Variants in ZNF786 observed in about 807,000 individuals in gnomAD.
ZNF786 encodes the protein zinc finger protein 786.
A neutral mutation model predicts 63.1 loss-of-function variants in ZNF786; 56 were observed. The ratio of observed to expected loss-of-function variants is 0.89; its 90% CI spans 0.72 to 1.11. The LOEUF is 1.11. ZNF786 is among the 50% of genes least tolerant of loss of function. The pLI, the probability that ZNF786 is intolerant of heterozygous loss-of-function variation, is 0.00. For synonymous variants in ZNF786, 485 were observed against 406.9 expected (o/e 1.19, Z -2.31); for missense variants, 1,213 against 1,041.8 (o/e 1.16, Z -2.26).
Position 149,090,710 on chromosome 7 carries a change from C to G in ZNF786, c.-70G>C. On this transcript the variant is annotated 5_prime_UTR_variant, in exon 1 of 4. Coordinates refer to ENST00000491431, the MANE Select transcript of ZNF786 (RefSeq NM_152411.4). ...GGCGGCTCCGCAGGAACCTGCCCTG[C>G]TGCGCACTGACTCCCCTCCGCTCCG... 1 of 1,502,288 alleles carries G rather than the reference C, an allele frequency of 6.7e-7. No homozygotes were observed. Among genetic ancestry groups the G allele is most frequent in the South Asian group, 1.3e-5 (1 of 79,496 alleles). 93.1% of individuals were successfully genotyped at this position (1,502,288 alleles called of 1,614,324 possible). A position where few individuals can be genotyped will look rare whatever the true frequency, so the allele number is the denominator to read the frequency against.
At chr7:149,087,604 C>T (rs544750614) in intron 1 of ZNF786, among the ~76,000 whole-genome samples, 16 of 152,280 alleles carry the variant, frequency 1.1e-4, no homozygotes, top group East Asian at 1.9e-4. Context: ...CATAGACATA[C>T]GCAAAATGCA....
chr7:149,075,536 C>T (rs1043451915), intron 2 of ZNF786, among the ~76,000 whole-genome samples: 5 of 151,912 alleles, frequency 3.3e-5, no homozygotes, highest in Non-Finnish European at 5.9e-5. Context: ...TGAGCCACCG[C>T]ACCTGGCCAG....
Position 149,072,440 on chromosome 7 carries a change from T to G in ZNF786, c.332A>C (p.Lys111Thr), listed in dbSNP as rs1428166949. Reference sequence around the variant, plus strand: ...TTCAGGATCTAATTGGAAATGGCTTTTAGTTTTTCCTGAATTCATAGCCTG... The same window carrying G: ...TTCAGGATCTAATTGGAAATGGCTTGTAGTTTTTCCTGAATTCATAGCCTG... ...SQQAMNSGKT[K>T]SHFQLDPESQ... The change falls in exon 4 of 4, where the codon AAA (lysine) becomes ACA (threonine). Residue 111 changes from lysine (K) to threonine (T), a missense_variant. Lys to Thr is a moderately conservative substitution (Grantham distance 78). Coordinates refer to ENST00000491431, the MANE Select transcript of ZNF786 (RefSeq NM_152411.4). 6.2e-7 allele frequency: 1 copy of G among 1,601,278 alleles called. No homozygotes were observed. Among genetic ancestry groups the G allele is most frequent in the East Asian group, 2.2e-5 (1 of 44,732 alleles).
chr7:149,076,517 A>G (rs1231000210), intron 2 of ZNF786, among the ~76,000 whole-genome samples: 1 of 151,048 alleles, frequency 6.6e-6, no homozygotes, highest in Non-Finnish European at 1.5e-5. Context: ...TGACGAGGTC[A>G]GGAGTTCGAG....
At chr7:149,080,906 G>T (rs1041800381) in intron 1 of ZNF786, among the ~76,000 whole-genome samples, 189 bp from the exon 2 acceptor site, 1 of 152,074 alleles carries the variant, frequency 6.6e-6, no homozygotes, top group African/African-American at 2.4e-5. Flanking sequence ...TACATCCCCC[G>T]CTCCACGTTT....
intron 1 of ZNF786, among the ~76,000 whole-genome samples, chr7:149,083,255 G>C (rs546119203): frequency 6.0e-5 from 9 of 149,542 alleles, no homozygotes; most frequent in African/African-American, 2.0e-4. Context: ...TTGCTGTTTT[G>C]CCCAGGTTGG....
chr7:149,072,152 C>T lies in ZNF786; in HGVS notation c.620G>A (p.Arg207Lys). ...ACGTGTCCGGTCCTTTGAGTGGCCT[C>T]TCTGGTGCATTACTAAATGGTTGTT... ...WENNHLVMHQ[R>K]GHSKDRTRRA... Residue 207 changes from arginine (R) to lysine (K), a missense_variant, in exon 4 of 4, where the codon AGA becomes AAA. Arg to Lys is a conservative substitution (Grantham distance 26, BLOSUM62 2). Coordinates refer to ENST00000491431, the MANE Select transcript of ZNF786 (RefSeq NM_152411.4). 1 of 1,613,206 alleles carries T rather than the reference C, an allele frequency of 6.2e-7. No homozygotes were observed. The highest frequency in any genetic ancestry group is 8.5e-7 in the Non-Finnish European group (1 of 1,179,742).
In ZNF786 at chr7:149,071,793, T is replaced by C. The variant is rs969066482; in HGVS notation, c.979A>G (p.Arg327Gly). The change falls in exon 4 of 4, where the codon AGA (arginine) becomes GGA (glycine). Residue 327 changes from arginine (R) to glycine (G), a missense_variant. Physicochemically the swap from Arg to Gly is moderately radical, Grantham distance 125. Coordinates refer to ENST00000491431, the MANE Select transcript of ZNF786 (RefSeq NM_152411.4). Reference sequence around the variant, plus strand: ...CTGCTGGAGGCCCCGCGGCCTTCTCTCCAAGAGGCCGGCCCCTCCCGGCTG... The same window carrying C: ...CTGCTGGAGGCCCCGCGGCCTTCTCCCCAAGAGGCCGGCCCCTCCCGGCTG... ...QHSREGPASW[R>G]EGRGASSSVH... The C allele has an allele frequency of 1.3e-6, 2 of 1,584,000 alleles. No homozygotes were observed. Among genetic ancestry groups the C allele is most frequent in the Non-Finnish European group, 1.7e-6 (2 of 1,170,400 alleles).
chr7:149,071,706 C>A lies in ZNF786; in HGVS notation c.1066G>T (p.Gly356Trp), dbSNP rs889577060. Residue 356 changes from glycine (G) to tryptophan (W), a missense_variant, in exon 4 of 4, where the codon GGG becomes TGG. Physicochemically the swap from Gly to Trp is radical, Grantham distance 184. Coordinates refer to ENST00000491431, the MANE Select transcript of ZNF786 (RefSeq NM_152411.4). The stretch of plus-strand genomic sequence containing the variant: ...CCATGCTGCAGCGCCTCCGTGTCCC[C>A]TTCCTGGTGGCTGTTCCCCTCCTGG... ...LPQEGNSHQE[G>W]DTEALQHGAE... 1.3e-6 allele frequency: 2 copies of A among 1,577,908 alleles called. No individual in the cohort carries two copies. The highest frequency in any genetic ancestry group is 8.5e-7 in the Non-Finnish European group (1 of 1,169,764).
chr7:149,071,781 C>T lies in ZNF786; in HGVS notation c.991G>A (p.Gly331Arg). The change falls in exon 4 of 4, where the codon GGG becomes AGG. Residue 331 changes from glycine to arginine, a missense_variant. Gly to Arg is a moderately radical substitution (Grantham distance 125). Coordinates refer to ENST00000491431, the MANE Select transcript of ZNF786 (RefSeq NM_152411.4). ...CCCGAGTGCACACTGCTGGAGGCCC[C>T]GCGGCCTTCTCTCCAAGAGGCCGGC... Reference protein sequence around the residue: ...EGPASWREGRGASSSVHSGQK... With the variant: ...EGPASWREGRRASSSVHSGQK... 6.3e-7 allele frequency: 1 copy of T among 1,581,014 alleles called. No homozygotes were observed. Among genetic ancestry groups the T allele is most frequent in the South Asian group, 1.1e-5 (1 of 89,484 alleles).
At chr7:149,078,472 G>A (rs935209122) in intron 2 of ZNF786, among the ~76,000 whole-genome samples, 1 of 152,014 alleles carries the variant, frequency 6.6e-6, no homozygotes, top group Non-Finnish European at 1.5e-5. Context: ...ATCACCTGAG[G>A]TCGGGAGTTT....
intron 2 of ZNF786, among the ~76,000 whole-genome samples, chr7:149,080,329 CATGACT>C (rs2129516287): frequency 6.6e-6 from 1 of 152,284 alleles, no homozygotes; most frequent in South Asian, 2.1e-4. Context: ...TCCTGATAGT[CATGACT>C]AAAGGCCCCT....
intron 1 of ZNF786, chr7:149,082,541 C>T (rs1400759044): frequency 2.1e-6 from 2 of 931,960 alleles, no homozygotes; most frequent in African/African-American, 1.8e-5. Context: ...TGCCATATGT[C>T]CTCAATTTTT....
intron 1 of ZNF786, among the ~76,000 whole-genome samples, chr7:149,084,971 T>C (rs1225966877): frequency 4.6e-5 from 7 of 152,168 alleles, no homozygotes. Context: ...TTTTTGTATA[T>C]GGTGTAAGGA....
chr7:149,085,536 C>T (rs1585470781), intron 1 of ZNF786, among the ~76,000 whole-genome samples: 2 of 152,240 alleles, frequency 1.3e-5, no homozygotes, highest in African/African-American at 2.4e-5. Flanking sequence ...AGGCTGGTCT[C>T]GAACTCCTGG....
At chr7:149,081,229 A>G (rs529858254) in intron 1 of ZNF786, 92 of 452,254 alleles carry the variant, frequency 2.0e-4, no homozygotes, top group African/African-American at 1.6e-3. Context: ...CGAGGTCAGG[A>G]GTTCGAGATC....
intron 3 of ZNF786, 122 bp from the exon 4 acceptor site, chr7:149,072,595 A>T (rs1825451280): frequency 1.7e-5 from 19 of 1,127,096 alleles, no homozygotes; most frequent in Non-Finnish European, 2.3e-5. Flanking sequence ...CCACTGAGCT[A>T]CCCAACCATG....
At position 149,074,247 on chromosome 7, in the gene ZNF786, C is replaced by A. The variant is rs566585930; in HGVS notation, c.298+139G>T. On this transcript the variant is annotated intron_variant, in intron 3 of 3. Coordinates refer to ENST00000491431, the MANE Select transcript of ZNF786 (RefSeq NM_152411.4). ...AGACTCTAGAACCCACATTCCTAAC[C>A]ATTATGCTTTACTGCCTTTATCTAG... is the stretch of plus-strand genomic sequence containing the variant. 570 of 1,010,102 alleles carry A rather than the reference C, an allele frequency of 5.6e-4. 2 individuals are homozygous for A. Among genetic ancestry groups the A allele is most frequent in the Non-Finnish European group, 1.4e-4 (97 of 699,340 alleles). The allele number at this position is 1,010,102 out of a possible 1,614,324, so 62.6% of individuals were successfully genotyped here.
In ZNF786 at chr7:149,081,124, A is replaced by G. The variant is rs1475240700; in HGVS notation, c.19-407T>C. The G allele has an allele frequency of 8.8e-6, 4 of 456,794 alleles. No homozygotes were observed. In the Admixed American group the frequency reaches 9.4e-5, roughly 11 times the overall value. The allele number at this position is 456,794 out of a possible 1,614,324, so 28.3% of individuals were successfully genotyped here. On this transcript the variant is annotated intron_variant, in intron 1 of 3. Transcript: ENST00000491431. Reference sequence around the variant, plus strand: ...AAGATATACCCCACTGATGGGACATATAGTTTGTTTCCCTTATAAATTACA... The same window carrying G: ...AAGATATACCCCACTGATGGGACATGTAGTTTGTTTCCCTTATAAATTACA...
Sources: allele counts gnomAD v4.1 joint callset (sites outside exome capture counted in the v4.1 genomes callset), GRCh38; gene constraint gnomAD v4.1.1; transcripts MANE v1.5; gene names NCBI Gene and HGNC (gene_info 2026-07-23, HGNC 2026-07-21).